The following RNLS variants were observed in gnomAD, a reference collection of about 807,000 sequenced individuals.
The protein encoded by RNLS is renalase, FAD dependent amine oxidase.
RNLS carries 39 observed loss-of-function variants against 39.8 expected under a neutral mutation model. The observed-to-expected ratio is 0.98, with a 90% CI of 0.76 to 1.28. The LOEUF is 1.28. RNLS is among the 50% of genes most tolerant of loss of function. The pLI, the probability that RNLS is intolerant of heterozygous loss-of-function variation, is 0.00. For synonymous variants in RNLS, 147 were observed against 150.7 expected (o/e 0.98, Z 0.18); for missense variants, 410 against 413.3 (o/e 0.99, Z 0.07).
At chr10:88,261,131 A>G in the RNLS span, among the ~76,000 whole-genome samples, 1 of 152,246 alleles carries the variant, frequency 6.6e-6, no homozygotes, top group African/African-American at 2.4e-5. Flanking sequence ...TAAAATGGTC[A>G]GTATGGAAGA....
intron 4 of RNLS, among the ~76,000 whole-genome samples, chr10:88,548,272 A>C (rs1291528407): frequency 1.1e-5 from 1 of 93,724 alleles, no homozygotes; most frequent in Non-Finnish European, 2.6e-5. Context: ...AAAAAAAAAA[A>C]AAAAAAAAAA....
At chr10:88,361,170 A>C (rs1307287683) in intron 5 of RNLS, among the ~76,000 whole-genome samples, 1 of 152,222 alleles carries the variant, frequency 6.6e-6, no homozygotes, top group African/African-American at 2.4e-5. Flanking sequence ...TTTTAAGGTC[A>C]TCAACCCCAC....
chr10:88,393,499 C>T (rs1352112063), intron 4 of RNLS, among the ~76,000 whole-genome samples: 2 of 152,142 alleles, frequency 1.3e-5, no homozygotes, highest in Non-Finnish European at 2.9e-5. Context: ...TGTGAAGGAC[C>T]TCTTCAAGGA....
chr10:88,228,949 A>T, the RNLS span, among the ~76,000 whole-genome samples: 2 of 151,978 alleles, frequency 1.3e-5, no homozygotes. Context: ...TTTTCTTTGC[A>T]TTCTCTATGT....
At chr10:88,200,816 TA>T in the RNLS span, among the ~76,000 whole-genome samples, 467 of 152,154 alleles carry the variant, frequency 3.1e-3, 2 homozygotes, top group African/African-American at 0.011. Flanking sequence ...CTGAATACCA[TA>T]AGCAGAGCAT....
intron 4 of RNLS, among the ~76,000 whole-genome samples, chr10:88,470,559 A>G (rs563013273): frequency 1.3e-5 from 2 of 152,288 alleles, no homozygotes; most frequent in Admixed American, 6.5e-5. Context: ...ATGTACATAT[A>G]CACACATATA....
At chr10:88,311,340 A>G (rs1845367325) in intron 6 of RNLS, among the ~76,000 whole-genome samples, 1 of 152,228 alleles carries the variant, frequency 6.6e-6, no homozygotes, top group African/African-American at 2.4e-5. Flanking sequence ...GAAAGAGTTA[A>G]TATATCATAC....
intron 6 of RNLS, among the ~76,000 whole-genome samples, chr10:88,286,754 C>G (rs1005274922): frequency 6.6e-6 from 1 of 151,060 alleles, no homozygotes; most frequent in Non-Finnish European, 1.5e-5. Flanking sequence ...GTTCTGAGAT[C>G]TTTGTTCTAG....
chr10:88,323,221 C>T (rs1240842039), intron 5 of RNLS, among the ~76,000 whole-genome samples: 1 of 152,108 alleles, frequency 6.6e-6, no homozygotes, highest in Non-Finnish European at 1.5e-5. Flanking sequence ...AAGCAATCTA[C>T]AGATTCAGTG....
chr10:88,379,531 G>A (rs1851289268), intron 4 of RNLS, among the ~76,000 whole-genome samples: 1 of 152,062 alleles, frequency 6.6e-6, no homozygotes. Context: ...TAAGTAAGTG[G>A]TTTCTAGGTA....
At chr10:88,512,725 C>T (rs1195325222) in intron 4 of RNLS, among the ~76,000 whole-genome samples, 1 of 152,250 alleles carries the variant, frequency 6.6e-6, no homozygotes, top group East Asian at 1.9e-4. Flanking sequence ...TCCAACTACT[C>T]TACACTGCTC....
the RNLS span, among the ~76,000 whole-genome samples, chr10:88,203,223 AGTGTGTGTGTGTGT>A: frequency 1.1e-3 from 12 of 11,240 alleles, 2 homozygotes; most frequent in African/African-American, 3.7e-3. Context: ...GATAGCAAAA[AGTGTGTGTGTGTGT>A]GTGTGTGTGT....
intron 4 of RNLS, among the ~76,000 whole-genome samples, chr10:88,519,416 T>C (rs1308602751): frequency 6.6e-6 from 1 of 151,464 alleles, no homozygotes; most frequent in Non-Finnish European, 1.5e-5. Flanking sequence ...ACAACATATA[T>C]ATATTTATAT....
chr10:88,532,224 T>A (rs1301867380), intron 4 of RNLS, among the ~76,000 whole-genome samples: 1 of 152,118 alleles, frequency 6.6e-6, no homozygotes, highest in Non-Finnish European at 1.5e-5. Flanking sequence ...ACACAATCAT[T>A]GTGTATAATA....
At chr10:88,318,514 A>G (rs1157613520) in intron 5 of RNLS, among the ~76,000 whole-genome samples, 1 of 152,192 alleles carries the variant, frequency 6.6e-6, no homozygotes, top group Non-Finnish European at 1.5e-5. Context: ...TTTGTAGTGA[A>G]TCCACACTCG....
intron 5 of RNLS, among the ~76,000 whole-genome samples, chr10:88,340,258 G>A (rs910997017): frequency 6.6e-6 from 1 of 152,196 alleles, no homozygotes; most frequent in Non-Finnish European, 1.5e-5. Flanking sequence ...AACCAGAGAA[G>A]TTTTCCACTT....
intron 4 of RNLS, among the ~76,000 whole-genome samples, chr10:88,516,958 T>C (rs1193206629): frequency 2.6e-5 from 4 of 151,956 alleles, no homozygotes; most frequent in Non-Finnish European, 5.9e-5. Context: ...ACACCAACCA[T>C]TAAGTGAGAT....
chr10:88,284,353 A>T lies in RNLS; in HGVS notation c.*1001T>A. ...TCAAAATGCTGAAATAGAACTCATC[A>T]TTTTGCTTTTCAAATTAGCAACAGG... On this transcript the variant is annotated 3_prime_UTR_variant, in exon 7 of 7. Coordinates refer to ENST00000331772, the MANE Select transcript of RNLS (RefSeq NM_001031709.3). The T allele has an allele frequency of 1.0e-6, 1 of 985,298 alleles. No individual in the cohort carries two copies. The highest frequency in any genetic ancestry group is 5.2e-4 in the Middle Eastern group (1 of 1,914). 61.0% of individuals were successfully genotyped at this position (985,298 alleles called of 1,614,324 possible).
intron 4 of RNLS, among the ~76,000 whole-genome samples, chr10:88,471,980 C>G (rs548652421): frequency 6.6e-6 from 1 of 152,090 alleles, no homozygotes; most frequent in Non-Finnish European, 1.5e-5. Flanking sequence ...TAAATCACAT[C>G]GTCAGGATAA....
Sources: gnomAD v4.1 joint callset for allele counts (sites outside exome capture counted in the v4.1 genomes callset) on GRCh38, gnomAD v4.1.1 for gene constraint, MANE v1.5 for transcripts, NCBI Gene and HGNC (gene_info 2026-07-23, HGNC 2026-07-21) for gene names.